ENOX1: variants seen among roughly 807,000 people sequenced by gnomAD.
ENOX1 encodes candidate growth-related and time keeping constitutive hydroquinone (NADH) oxidase.
Under a neutral mutation model 82.5 loss-of-function variants are expected in ENOX1, and 42 were observed. The observed-to-expected ratio is 0.51, with a 90% CI of 0.40 to 0.66. The LOEUF (loss-of-function observed/expected upper bound fraction) is 0.66, where lower values mean the gene tolerates loss of function less well. Among genes scored for constraint, ENOX1 ranks in the 30% least tolerant of loss-of-function variants. The probability of loss-of-function intolerance (pLI) is 0.00; values close to 1 mark genes in which losing one functional copy is unlikely to be tolerated. For missense variants in ENOX1, 608 were observed against 811.6 expected (o/e 0.75, Z 3.05); for synonymous variants, 271 against 282.2 (o/e 0.96, Z 0.40).
chr13:43,353,750 C>T (rs952089774), intron 8 of ENOX1, among the ~76,000 whole-genome samples: 2 of 152,242 alleles, frequency 1.3e-5, no homozygotes, highest in Non-Finnish European at 2.9e-5. Context: ...TCTACTGTAA[C>T]AGCCATCTAT....
rs1181303830 is a variant in ENOX1 at position 43,713,892 on chromosome 13, G to GT, written c.-284-46349dup. 3.3e-5 allele frequency among the ~76,000 whole-genome samples: 5 copies of GT among 151,608 alleles called. No individual in the cohort carries two copies. In the East Asian group the frequency reaches 9.7e-4, roughly 29 times the overall value. The stretch of plus-strand genomic sequence containing the variant: ...CCTGGATTCATTAATTTTTTGAAAG[G>GT]TTTTTTGTGTCTCTATTTCCTCCAG... On this transcript the variant is annotated intron_variant, in intron 1 of 16. Coordinates refer to ENST00000690772, the MANE Select transcript of ENOX1 (RefSeq NM_001347969.2).
chr13:43,524,403 T>C (rs1230909871), intron 2 of ENOX1, among the ~76,000 whole-genome samples: 1 of 152,120 alleles, frequency 6.6e-6, no homozygotes, highest in East Asian at 1.9e-4. Context: ...CACCAAGGTG[T>C]TGAGATCAAA....
intron 1 of ENOX1, among the ~76,000 whole-genome samples, chr13:43,688,261 T>C (rs1426830294): frequency 6.6e-6 from 1 of 152,080 alleles, no homozygotes; most frequent in Non-Finnish European, 1.5e-5. Flanking sequence ...TGTGGTGCCA[T>C]ATGGAGAATG....
chr13:43,562,136 AAATGAACCAATGCAAAATAATAGTT>A (rs941063363), intron 2 of ENOX1, among the ~76,000 whole-genome samples: 2 of 152,258 alleles, frequency 1.3e-5, no homozygotes, highest in Admixed American at 1.3e-4. Flanking sequence ...AAAGATGAAA[AAATGAACCAATGCAAAATAATAGTT>A]ATAACAACTT....
At chr13:43,713,411 G>C (rs547485696) in intron 1 of ENOX1, among the ~76,000 whole-genome samples, 3 of 152,062 alleles carry the variant, frequency 2.0e-5, no homozygotes, top group South Asian at 4.2e-4. Context: ...TTGGTACCAA[G>C]ATGATGCTGG....
At chr13:43,770,501 G>T (rs1252401259) in intron 1 of ENOX1, among the ~76,000 whole-genome samples, 1 of 152,022 alleles carries the variant, frequency 6.6e-6, no homozygotes, top group African/African-American at 2.4e-5. Context: ...AGTTTGCCCT[G>T]GGAAATGTAT....
intron 2 of ENOX1, among the ~76,000 whole-genome samples, chr13:43,587,349 A>G (rs1453067550): frequency 2.0e-5 from 3 of 152,200 alleles, no homozygotes; most frequent in Non-Finnish European, 4.4e-5. Context: ...ATTTCCTAAT[A>G]TTGTGTTTAA....
At chr13:43,778,754 C>T (rs1952070695) in intron 1 of ENOX1, among the ~76,000 whole-genome samples, 4 of 147,162 alleles carry the variant, frequency 2.7e-5, no homozygotes, top group African/African-American at 1.0e-4. Context: ...TACTACTTGA[C>T]TGTAAAAAGC....
chr13:43,570,738 A>G (rs2080141292), intron 2 of ENOX1, among the ~76,000 whole-genome samples: 1 of 152,172 alleles, frequency 6.6e-6, no homozygotes, highest in African/African-American at 2.4e-5. Flanking sequence ...TGGCTTAAGC[A>G]AGAAGCCCTC....
chr13:43,479,473 T>A (rs985371034), intron 3 of ENOX1, among the ~76,000 whole-genome samples: 1 of 152,192 alleles, frequency 6.6e-6, no homozygotes, highest in South Asian at 2.1e-4. Context: ...TGTCTCCATC[T>A]CCATATCCAA....
intron 14 of ENOX1, among the ~76,000 whole-genome samples, chr13:43,255,695 C>A (rs745723396): frequency 4.6e-5 from 7 of 151,846 alleles, no homozygotes; most frequent in Non-Finnish European, 1.0e-4. Flanking sequence ...ATGTAAAATG[C>A]CTAGGAATAA....
At chr13:43,580,369 G>C (rs2080660737) in intron 2 of ENOX1, among the ~76,000 whole-genome samples, 1 of 152,144 alleles carries the variant, frequency 6.6e-6, no homozygotes, top group Admixed American at 6.5e-5. Flanking sequence ...GTAATGTTAC[G>C]TAGCATTCAC....
chr13:43,564,302 T>C (rs369311148), intron 2 of ENOX1, among the ~76,000 whole-genome samples: 1 of 152,100 alleles, frequency 6.6e-6, no homozygotes, highest in East Asian at 1.9e-4. Context: ...TACAATCCCT[T>C]TCAAAATGCC....
chr13:43,661,994 ATT>A (rs5803197), intron 2 of ENOX1, among the ~76,000 whole-genome samples: 2 of 151,810 alleles, frequency 1.3e-5, no homozygotes, highest in South Asian at 2.1e-4. Flanking sequence ...CAACAGATTG[ATT>A]TTTTTTTATA....
chr13:43,396,832 C>T (rs1420612238), intron 5 of ENOX1, among the ~76,000 whole-genome samples: 1 of 152,220 alleles, frequency 6.6e-6, no homozygotes, highest in African/African-American at 2.4e-5. Flanking sequence ...GATTTTCCCT[C>T]TAAGTCTTAG....
At chr13:43,278,812 A>G (rs1306440118) in intron 12 of ENOX1, among the ~76,000 whole-genome samples, 1 of 152,200 alleles carries the variant, frequency 6.6e-6, no homozygotes, top group Non-Finnish European at 1.5e-5. Context: ...AGATAGTTGC[A>G]ATTTTTTCCT....
At chr13:43,551,499 AC>A (rs2079193426) in intron 2 of ENOX1, among the ~76,000 whole-genome samples, 1 of 152,166 alleles carries the variant, frequency 6.6e-6, no homozygotes. Context: ...GAAACTACTG[AC>A]CCATTTTTTA....
chr13:43,330,098 A>G (rs576147217), intron 9 of ENOX1, among the ~76,000 whole-genome samples: 16 of 152,368 alleles, frequency 1.1e-4, no homozygotes, highest in Admixed American at 1.0e-3. Flanking sequence ...AAGTCCATGA[A>G]TTAGATGACC....
chr13:43,409,685 T>C (rs2054003815), intron 5 of ENOX1, among the ~76,000 whole-genome samples: 1 of 152,142 alleles, frequency 6.6e-6, no homozygotes, highest in Non-Finnish European at 1.5e-5. Context: ...AATCTAGAGA[T>C]TTGATGAATT....
Sources: allele counts gnomAD v4.1 joint callset (sites outside exome capture counted in the v4.1 genomes callset), GRCh38; gene constraint gnomAD v4.1.1; transcripts MANE v1.5; gene names NCBI Gene and HGNC (gene_info 2026-07-23, HGNC 2026-07-21).